The following RPL18 variants were observed in gnomAD, a reference collection of about 807,000 sequenced individuals.
RPL18 encodes the protein large ribosomal subunit protein eL18.
RPL18 carries 4 observed loss-of-function variants against 25.0 expected under a neutral mutation model. The ratio of observed to expected loss-of-function variants is 0.16; its 90% CI spans 0.08 to 0.37. The LOEUF (loss-of-function observed/expected upper bound fraction) is 0.37. RPL18 is among the 10% of genes least tolerant of loss of function. The pLI is 1.00. For synonymous variants in RPL18, 129 were observed against 101.6 expected (o/e 1.27, Z -1.62); for missense variants, 179 against 267.9 (o/e 0.67, Z 2.32).
intron 2 of RPL18, 182 bp downstream of exon 2, chr19:48,617,609 A>G: frequency 5.9e-6 from 4 of 680,964 alleles, no homozygotes; most frequent in Admixed American, 2.8e-5. Context: ...TCCTGGCTCC[A>G]CTCCCGAGCT....
Position 48,617,385 on chromosome 19 carries a change from G to T in RPL18, c.129C>A (p.Phe43Leu). 2 of 1,614,224 alleles carry T rather than the reference G, an allele frequency of 1.2e-6. No individual in the cohort carries two copies. Among genetic ancestry groups the T allele is most frequent in the Non-Finnish European group, 1.7e-6 (2 of 1,180,034 alleles). Reference protein sequence around the residue: ...RFLARRTNSTFNQVVLKRLFM... With the variant: ...RFLARRTNSTLNQVVLKRLFM... ...ACAACCTCTTCAACACAACCTGGTT[G>T]AATGTGGAGTTGGTTCTTCTGGCCA... The change falls in exon 3 of 7, where the codon TTC (phenylalanine) becomes TTA (leucine). Residue 43 changes from phenylalanine (F) to leucine (L), a missense_variant. By Grantham distance (22) the Phe-to-Leu change is conservative (BLOSUM62 0). Coordinates refer to ENST00000549920, the MANE Select transcript of RPL18 (RefSeq NM_000979.4).
intron 1 of RPL18, chr19:48,618,915 CAT>C: frequency 1.7e-6 from 1 of 573,614 alleles, no homozygotes. Context: ...TAAACCCAGT[CAT>C]ATCAGCCTCC....
chr19:48,616,429 A>G, intron 4 of RPL18: 1 of 642,376 alleles, frequency 1.6e-6, no homozygotes, highest in Non-Finnish European at 2.7e-6. Context: ...CTGGGCCAAA[A>G]AAAGACCTGT....
At chr19:48,615,801 G>C (rs2147653961) in intron 6 of RPL18, 76 bp downstream of exon 6, 1 of 1,321,134 alleles carries the variant, frequency 7.6e-7, no homozygotes, top group East Asian at 2.5e-5. Context: ...GATAGGAGAA[G>C]CAGCCCAAGT....
At chr19:48,617,126 G>A (rs774992118) in intron 3 of RPL18, 190 bp downstream of exon 3, 1 of 718,248 alleles carries the variant, frequency 1.4e-6, no homozygotes, top group Non-Finnish European at 2.5e-6. Flanking sequence ...AGGAGAGGAG[G>A]ACCAGGAGAC....
At chr19:48,616,236 C>A in intron 4 of RPL18, 34 bp from the exon 5 acceptor site, 1 of 1,609,630 alleles carries the variant, frequency 6.2e-7, no homozygotes, top group Non-Finnish European at 8.5e-7. Context: ...GGGTCAGACC[C>A]CTGCGTGGTC....
chr19:48,618,718 C>A (rs1264795699), intron 1 of RPL18: 1 of 234,144 alleles, frequency 4.3e-6, no homozygotes, highest in African/African-American at 2.3e-5. Flanking sequence ...GACTCAGAGA[C>A]CTGCCTGGTC....
At position 48,619,128 on chromosome 19, in the gene RPL18, A is replaced by G. The variant is rs764648046; in HGVS notation, c.3+13T>C. ...CGGATTATCCAGCCCCGAACGCCGC[A>G]AAGCGAGCTCACCATGATGGCGCCT... On this transcript the variant is annotated intron_variant, in intron 1 of 6. Transcript: ENST00000549920. 4 of 1,600,782 alleles carry G rather than the reference A, an allele frequency of 2.5e-6. No homozygotes were observed. The highest frequency in any genetic ancestry group is 3.4e-6 in the Non-Finnish European group (4 of 1,174,698).
chr19:48,615,368 A>G lies in RPL18; in HGVS notation c.*4T>C. 6.2e-7 allele frequency: 1 copy of G among 1,608,000 alleles called. No homozygotes were observed. The highest frequency in any genetic ancestry group is 8.5e-7 in the Non-Finnish European group (1 of 1,176,396). On this transcript the variant is annotated 3_prime_UTR_variant, in exon 7 of 7. Transcript: ENST00000549920. ...TCTTTTTAATAAGAGAGTAGGATCC[A>G]GGGTTAGTTTTTGTAGCCTCGGCTG...
intron 2 of RPL18, 52 bp from the exon 3 acceptor site, chr19:48,617,475 C>A (rs1227847056): frequency 1.1e-5 from 15 of 1,353,202 alleles, no homozygotes; most frequent in South Asian, 5.9e-5. Context: ...TCCCCCGCAG[C>A]CTTCCAGTGA....
At chr19:48,618,834 C>G in intron 1 of RPL18, 1 of 485,402 alleles carries the variant, frequency 2.1e-6, no homozygotes, top group Non-Finnish European at 3.7e-6. Flanking sequence ...GCAGCAAAGC[C>G]AAATAACTAA....
At position 48,617,275 on chromosome 19, in the gene RPL18, C is replaced by A. The variant is rs140705084; in HGVS notation, c.198+41G>T. The A allele has an allele frequency of 1.4e-5, 21 of 1,466,520 alleles. No homozygotes were observed. The Admixed American group carries it at 2.8e-4, about 20-fold the overall frequency. The allele number at this position is 1,466,520 out of a possible 1,614,324, so 90.8% of individuals were successfully genotyped here. ...TCCCTTCCAGACAGACAAGACCCAG[C>A]GGCTCCCAGGTCTACCGTGCTCTCT... On this transcript the variant is annotated intron_variant, in intron 3 of 6. Transcript: ENST00000549920.
intron 4 of RPL18, 99 bp from the exon 5 acceptor site, chr19:48,616,301 T>A: frequency 1.3e-6 from 2 of 1,485,378 alleles, no homozygotes; most frequent in Non-Finnish European, 1.8e-6. Context: ...AGAGCCCTGG[T>A]AACCAACACT....
intron 1 of RPL18, 120 bp from the exon 2 acceptor site, chr19:48,617,997 C>A: frequency 2.8e-6 from 2 of 706,988 alleles, no homozygotes; most frequent in Non-Finnish European, 4.9e-6. Context: ...GCTCAAATCC[C>A]AGGCCCACCA....
rs1357518541 is a variant in RPL18 at position 48,616,713 on chromosome 19, C to T, written c.297+13G>A. ...AAGGGTCTGATGGGTCTGCCCAGCC[C>T]CCGCCAGCTCACCTTCAGTTTGGGT... On this transcript the variant is annotated intron_variant, in intron 4 of 6. Transcript: ENST00000549920. The T allele has an allele frequency of 1.3e-6, 2 of 1,579,226 alleles. No individual in the cohort carries two copies. Among genetic ancestry groups the T allele is most frequent in the Non-Finnish European group, 1.7e-6 (2 of 1,151,614 alleles).
intron 1 of RPL18, 90 bp downstream of exon 1, chr19:48,619,051 C>A (rs1974289365): frequency 1.4e-6 from 2 of 1,392,028 alleles, no homozygotes; most frequent in East Asian, 2.4e-5. Context: ...CAGCCGCAGA[C>A]CCCCTGCCGC....
At chr19:48,618,871 G>A in intron 1 of RPL18, 1 of 537,706 alleles carries the variant, frequency 1.9e-6, no homozygotes, top group Middle Eastern at 4.9e-4. Context: ...AGCCACCTGG[G>A]TCGGAATCCT....
chr19:48,616,101 G>A lies in RPL18; in HGVS notation c.399C>T (p.Gly133=). 2 of 1,614,186 alleles carry A rather than the reference G, an allele frequency of 1.2e-6. No individual in the cohort carries two copies. The highest frequency in any genetic ancestry group is 1.7e-6 in the Non-Finnish European group (2 of 1,180,016). The change falls in exon 5 of 7, where the codon GGC becomes GGT. Residue 133 remains glycine, a synonymous_variant. Coordinates refer to ENST00000549920, the MANE Select transcript of RPL18 (RefSeq NM_000979.4). ...CACCGGAGAGCAGGACAGTGCCACA[G>A]CCCTTAGGGGAGTCCAGGGCCAGCT... is the stretch of plus-strand genomic sequence containing the variant. The part of the protein sequence containing the change: ...FDQLALDSPK[G]CGTVLLSGPR...
intron 5 of RPL18, 37 bp downstream of exon 5, chr19:48,616,042 C>T (rs1974158923): frequency 6.2e-7 from 1 of 1,613,822 alleles, no homozygotes; most frequent in East Asian, 2.2e-5. Flanking sequence ...AGTAGCCACA[C>T]AGCTCAGTCC....
Sources: allele counts gnomAD v4.1 joint callset, GRCh38; gene constraint gnomAD v4.1.1; transcripts MANE v1.5; gene names NCBI Gene and HGNC (gene_info 2026-07-23, HGNC 2026-07-21).